EIF2AK2: variants seen among roughly 807,000 people sequenced by gnomAD.
EIF2AK2 encodes interferon-induced, double-stranded RNA-activated protein kinase.
A neutral mutation model predicts 70.5 loss-of-function variants in EIF2AK2; 40 were observed. The ratio of observed to expected loss-of-function variants is 0.57; its 90% CI spans 0.44 to 0.74. The LOEUF is 0.74. Ranked by LOEUF, EIF2AK2 falls within the 30% of genes least tolerant of loss-of-function variation. The pLI is 0.00. For synonymous variants in EIF2AK2, 198 were observed against 220.9 expected (o/e 0.90, Z 0.92); for missense variants, 555 against 644.3 (o/e 0.86, Z 1.50).
Position 37,109,311 on chromosome 2 carries a change from T to C in EIF2AK2, c.1378-16A>G, listed in dbSNP as rs1357513150. The C allele has an allele frequency of 1.9e-6, 3 of 1,606,738 alleles. No homozygotes were observed. Among genetic ancestry groups the C allele is most frequent in the Admixed American group, 1.7e-5 (1 of 59,462 alleles). On this transcript the variant is annotated splice_polypyrimidine_tract_variant and intron_variant, in intron 14 of 16. Transcript: ENST00000233057. ...GCGAAGAAATCTAAAGAGACCAAAATAGATTTACCTTTGTTATGCTCCTTA... is the reference window on the plus strand; with the variant it reads ...GCGAAGAAATCTAAAGAGACCAAAACAGATTTACCTTTGTTATGCTCCTTA...
At chr2:37,144,045 A>T (rs935566073) in intron 4 of EIF2AK2, among the ~76,000 whole-genome samples, 2 of 152,222 alleles carry the variant, frequency 1.3e-5, no homozygotes, top group Admixed American at 1.3e-4. Flanking sequence ...GTCCCATAAG[A>T]TTATAATGGA....
chr2:37,105,504 C>T lies in EIF2AK2; in HGVS notation c.*1769G>A, dbSNP rs1172377920. On this transcript the variant is annotated 3_prime_UTR_variant, in exon 17 of 17. Coordinates refer to ENST00000233057, the MANE Select transcript of EIF2AK2 (RefSeq NM_001135651.3). ...CATCCGGCTCCCCTTCACCTTCCAC[C>T]ATGAGTGGAAGCAGCCGGGGAAGAA... 5 of 152,290 alleles carry T rather than the reference C, an allele frequency of 3.3e-5. No individual in the cohort carries two copies. The highest frequency in any genetic ancestry group is 1.2e-4 in the African/African-American group (5 of 41,430). The allele number at this position is 152,290 out of a possible 1,614,324, so 9.4% of individuals were successfully genotyped here.
Position 37,139,537 on chromosome 2 carries a change from G to A in EIF2AK2, c.516+94C>T, listed in dbSNP as rs1243952693. The A allele has an allele frequency of 2.7e-6, 4 of 1,499,924 alleles. No individual in the cohort carries two copies. The African/African-American group carries it at 5.6e-5, about 21-fold the overall frequency. The allele number at this position is 1,499,924 out of a possible 1,614,324, so 92.9% of individuals were successfully genotyped here. On this transcript the variant is annotated intron_variant, in intron 6 of 16. Transcript: ENST00000233057. ...GGAGGAATCATTTTGCTAAATCACT[G>A]GCTGTCTTGGCATAATGTTAACACA...
intron 12 of EIF2AK2, among the ~76,000 whole-genome samples, chr2:37,120,831 C>T (rs530041403): frequency 1.2e-4 from 18 of 149,056 alleles, no homozygotes; most frequent in African/African-American, 4.4e-4. Context: ...GGTGTGGTGG[C>T]GCGGCACCTG....
intron 13 of EIF2AK2, among the ~76,000 whole-genome samples, chr2:37,118,623 A>G (rs1020420285): frequency 6.6e-6 from 1 of 152,248 alleles, no homozygotes; most frequent in Non-Finnish European, 1.5e-5. Flanking sequence ...TGAAAGCATA[A>G]CCAACTCTAC....
In EIF2AK2 at chr2:37,138,518, G is replaced by T. The variant is rs1211296397; in HGVS notation, c.584C>A (p.Thr195Asn). ...TCESQSNSLV[T>N]STLASESSSE... ...GTTTGTCTACACTTACAGTGTGCTG[G>T]TCACTAAAGAGTTGCTTTGGGACTC... is the stretch of plus-strand genomic sequence containing the variant. The change falls in exon 7 of 17, where the codon ACC becomes AAC. Residue 195 changes from threonine to asparagine, a missense_variant. Physicochemically the swap from Thr to Asn is moderately conservative, Grantham distance 65. Transcript: ENST00000233057. 6.2e-6 allele frequency: 10 copies of T among 1,613,864 alleles called. No individual in the cohort carries two copies. In the Admixed American group the frequency reaches 8.3e-5, roughly 13 times the overall value.
chr2:37,156,710 C>A (rs1369787228), intron 1 of EIF2AK2, among the ~76,000 whole-genome samples, 198 bp downstream of exon 1: 1 of 152,198 alleles, frequency 6.6e-6, no homozygotes, highest in Non-Finnish European at 1.5e-5. Context: ...GGGGAGGGCC[C>A]CACACCCGGG....
At chr2:37,141,835 T>C in intron 4 of EIF2AK2, 134 bp from the exon 5 acceptor site, 2 of 967,800 alleles carry the variant, frequency 2.1e-6, no homozygotes, top group Non-Finnish European at 2.9e-6. Flanking sequence ...TCCTATTATA[T>C]TACCTTGAGC....
Position 37,148,507 on chromosome 2 carries a change from A to T in EIF2AK2, c.-17+350T>A, listed in dbSNP as rs898667565. 8.1e-6 allele frequency: 5 copies of T among 618,410 alleles called. No homozygotes were observed. In the African/African-American group the frequency reaches 9.2e-5, roughly 11 times the overall value. The allele number at this position is 618,410 out of a possible 1,614,324, so 38.3% of individuals were successfully genotyped here. On this transcript the variant is annotated intron_variant, in intron 2 of 16. Coordinates refer to ENST00000233057, the MANE Select transcript of EIF2AK2 (RefSeq NM_001135651.3). The stretch of plus-strand genomic sequence containing the variant: ...CTAGATCTCTAGACAAAATAAAACA[A>T]GGAAAATATGCTAGAATCAACAATG...
At chr2:37,132,314 C>T (rs1481810499) in intron 10 of EIF2AK2, among the ~76,000 whole-genome samples, 1 of 132 alleles carries the variant, frequency 7.6e-3, no homozygotes, top group Admixed American at 0.071. Flanking sequence ...AACTCTTGGC[C>T]AGGTGCGGTA....
rs930123855 is a variant in EIF2AK2 at position 37,105,431 on chromosome 2, C to T, written c.*1842G>A. 3.3e-5 allele frequency: 5 copies of T among 152,204 alleles called. No homozygotes were observed. The highest frequency in any genetic ancestry group is 1.3e-4 in the Admixed American group (2 of 15,272). The allele number at this position is 152,204 out of a possible 1,614,324, so 9.4% of individuals were successfully genotyped here. On this transcript the variant is annotated 3_prime_UTR_variant, in exon 17 of 17. Transcript: ENST00000233057. ...CCGGTTATTTAAAAAGAGCCTGGCA[C>T]CTTCTCCCTCGCTCTCTTGCTTCCT... is the stretch of plus-strand genomic sequence containing the variant.
chr2:37,126,057 C>T (rs1674717407), intron 11 of EIF2AK2, among the ~76,000 whole-genome samples: 1 of 152,108 alleles, frequency 6.6e-6, no homozygotes, highest in Non-Finnish European at 1.5e-5. Flanking sequence ...AGCTTCAGTT[C>T]TGAAGATAGC....
chr2:37,145,705 C>T (rs1276590034), intron 4 of EIF2AK2, among the ~76,000 whole-genome samples: 1 of 146,538 alleles, frequency 6.8e-6, no homozygotes, highest in Admixed American at 6.8e-5. Flanking sequence ...TCTATTTATG[C>T]ATGGTATGTG....
chr2:37,150,623 G>C (rs1220656505), intron 1 of EIF2AK2, among the ~76,000 whole-genome samples: 2 of 152,098 alleles, frequency 1.3e-5, no homozygotes, highest in African/African-American at 4.8e-5. Flanking sequence ...GCTTGCTTCA[G>C]GGAAAACTGA....
chr2:37,147,378 T>C (rs564704439), intron 3 of EIF2AK2, among the ~76,000 whole-genome samples: 1 of 152,056 alleles, frequency 6.6e-6, no homozygotes, highest in African/African-American at 2.4e-5. Flanking sequence ...AGGTTACATA[T>C]GTATACATGT....
intron 6 of EIF2AK2, among the ~76,000 whole-genome samples, chr2:37,139,314 CAAAA>C (rs111711091): frequency 3.0e-5 from 2 of 67,378 alleles, no homozygotes; most frequent in Non-Finnish European, 3.1e-5. Flanking sequence ...GATTCCATCT[CAAAA>C]AAAAAAAAAA....
At chr2:37,148,448 G>A (rs894237607) in intron 2 of EIF2AK2, 15 of 408,526 alleles carry the variant, frequency 3.7e-5, no homozygotes, top group African/African-American at 6.2e-5. Context: ...GCCAGGCGGA[G>A]GAGAGCTCAA....
At chr2:37,151,835 C>A (rs1001083263) in intron 1 of EIF2AK2, among the ~76,000 whole-genome samples, 5 of 152,238 alleles carry the variant, frequency 3.3e-5, no homozygotes, top group African/African-American at 9.6e-5. Context: ...TCCCAACACT[C>A]TGGGAGGCCG....
Position 37,106,515 on chromosome 2 carries a change from G to A in EIF2AK2, c.*758C>T, listed in dbSNP as rs904493500. The A allele has an allele frequency of 1.3e-5, 2 of 150,670 alleles. No homozygotes were observed. The highest frequency in any genetic ancestry group is 2.9e-5 in the Non-Finnish European group (2 of 67,906). The allele number at this position is 150,670 out of a possible 1,614,324, so 9.3% of individuals were successfully genotyped here. A position where few individuals can be genotyped will look rare whatever the true frequency, so the allele number is the denominator to read the frequency against. On this transcript the variant is annotated 3_prime_UTR_variant, in exon 17 of 17. Transcript: ENST00000233057. ...ATTGATAGCTATGTGGGTATACATG[G>A]ATTCAACTTTACTAGATAATGCCAA...
Sources: gnomAD v4.1 joint callset for allele counts (sites outside exome capture counted in the v4.1 genomes callset) on GRCh38, gnomAD v4.1.1 for gene constraint, MANE v1.5 for transcripts, NCBI Gene and HGNC (gene_info 2026-07-23, HGNC 2026-07-21) for gene names.